Variants in GCG observed in about 807,000 individuals in gnomAD.
GCG encodes the protein pro-glucagon.
Under a neutral mutation model 22.8 loss-of-function variants are expected in GCG, and 11 were observed. The observed-to-expected ratio is 0.48, with a 90% CI of 0.30 to 0.80. The LOEUF (loss-of-function observed/expected upper bound fraction) is 0.80, where lower values mean the gene tolerates loss of function less well. Ranked by LOEUF, GCG falls within the 30% of genes least tolerant of loss-of-function variation. The pLI is 0.06. For synonymous variants in GCG, 89 were observed against 72.4 expected, an observed-to-expected ratio of 1.23 and a Z score of -1.16; for missense variants, 222 against 222.0, an observed-to-expected ratio of 1.00 and a Z score of 0.00.
chr2:162,148,550 A>G (rs1686753372), intron 2 of GCG, among the ~76,000 whole-genome samples: 1 of 152,118 alleles, frequency 6.6e-6, no homozygotes, highest in African/African-American at 2.4e-5. Context: ...ATACAAAGCC[A>G]TATAATGAGC....
intron 3 of GCG, among the ~76,000 whole-genome samples, 178 bp from the exon 4 acceptor site, chr2:162,145,855 G>T (rs966254254): frequency 5.3e-5 from 8 of 152,102 alleles, no homozygotes; most frequent in Admixed American, 2.0e-4. Context: ...GATTGAAACT[G>T]GTGGAAGAGA....
chr2:162,148,275 C>T (rs569315145), intron 2 of GCG, among the ~76,000 whole-genome samples: 1 of 151,896 alleles, frequency 6.6e-6, no homozygotes, highest in Non-Finnish European at 1.5e-5. Context: ...TCATTCAGGC[C>T]CTTTGACACA....
rs1438422595 is a variant in GCG, at chr2:162,152,217, C to A, written c.-69G>T. On this transcript the variant is annotated 5_prime_UTR_variant, in exon 1 of 6. Transcript: ENST00000418842. The stretch of plus-strand genomic sequence containing the variant: ...AGAGAGAGCAAGCCCTCTTTGGGAA[C>A]TTTTGATGTGCTCTGTGTCCTAAGC... The A allele has an allele frequency of 1.3e-5, 2 of 152,724 alleles. No individual in the cohort carries two copies. Among genetic ancestry groups the A allele is most frequent in the African/African-American group, 2.4e-5 (1 of 41,570 alleles). The allele number at this position is 152,724 out of a possible 1,614,324, so 9.5% of individuals were successfully genotyped here.
chr2:162,151,201 G>T (rs1686827460), intron 1 of GCG, among the ~76,000 whole-genome samples: 2 of 152,034 alleles, frequency 1.3e-5, no homozygotes, highest in Admixed American at 6.6e-5. Context: ...TTAAAGGAAA[G>T]TATGGTAACA....
At chr2:162,144,271 C>T in intron 4 of GCG, 101 bp from the exon 5 acceptor site, 1 of 928,956 alleles carries the variant, frequency 1.1e-6, no homozygotes. Flanking sequence ...CTTGAGGAAA[C>T]AGTAAAGGAT....
chr2:162,148,949 C>G, intron 2 of GCG, 138 bp downstream of exon 2: 1 of 586,810 alleles, frequency 1.7e-6, no homozygotes, highest in Non-Finnish European at 3.0e-6. Flanking sequence ...CTGCTTTTAT[C>G]ACAAGGATAC....
intron 4 of GCG, 39 bp from the exon 5 acceptor site, chr2:162,144,209 AT>A: frequency 6.7e-7 from 1 of 1,491,858 alleles, no homozygotes; most frequent in Non-Finnish European, 9.4e-7. Context: ...TTGATTAGAT[AT>A]TTTCAATAAA....
At chr2:162,146,539 TC>T (rs1686688855) in intron 3 of GCG, among the ~76,000 whole-genome samples, 2 of 8,588 alleles carry the variant, frequency 2.3e-4, no homozygotes, top group African/African-American at 3.8e-4. Context: ...GCTTGCTTGT[TC>T]TCTCTCTCTC....
At position 162,143,154 on chromosome 2, in the gene GCG, A is replaced by C. The variant is rs571980614; in HGVS notation, c.*210T>G. On this transcript the variant is annotated 3_prime_UTR_variant, in exon 6 of 6. Transcript: ENST00000418842. ...AAATAACAGAATCTAGCACTTTCAT[A>C]TTTTAAAGCTGATATTTTAGCAATA... is the stretch of plus-strand genomic sequence containing the variant. 1 of 402,458 alleles carries C rather than the reference A, an allele frequency of 2.5e-6. No homozygotes were observed. The highest frequency in any genetic ancestry group is 1.2e-4 in the South Asian group (1 of 8,268). The allele number at this position is 402,458 out of a possible 1,614,324, so 24.9% of individuals were successfully genotyped here.
At chr2:162,152,015 C>A (rs1485568516) in intron 1 of GCG, 143 bp downstream of exon 1, 16 of 152,118 alleles carry the variant, frequency 1.1e-4, no homozygotes, top group Admixed American at 7.2e-4. Context: ...TTGATATAAC[C>A]TTTTCCATCT....
chr2:162,151,707 C>G (rs922288228), intron 1 of GCG, among the ~76,000 whole-genome samples: 5 of 152,062 alleles, frequency 3.3e-5, no homozygotes, highest in East Asian at 1.9e-4. Flanking sequence ...TTTGGAAAAC[C>G]AGAGATTTTA....
chr2:162,146,644 G>T (rs376498600), intron 3 of GCG, among the ~76,000 whole-genome samples: 156 of 142,402 alleles, frequency 1.1e-3, no homozygotes, highest in African/African-American at 3.6e-3. Context: ...CTGATTTTTT[G>T]ATTTCTTCAG....
At chr2:162,146,896 C>G (rs2106196113) in intron 3 of GCG, among the ~76,000 whole-genome samples, 1 of 152,174 alleles carries the variant, frequency 6.6e-6, no homozygotes, top group East Asian at 1.9e-4. Flanking sequence ...AAATGCATGT[C>G]TTGGATTTTA....
At chr2:162,146,538 T>TTCTC (rs59717414) in intron 3 of GCG, among the ~76,000 whole-genome samples, 2,702 of 133,452 alleles carry the variant, frequency 0.02, 37 homozygotes, top group East Asian at 0.073. Flanking sequence ...TGCTTGCTTG[T>TTCTC]TCTCTCTCTC....
rs762656543 is a variant in GCG at position 162,144,096 on chromosome 2, T to C, written c.467A>G (p.Asn156Ser). ...GGCGGCAAGATTATCAAGAATGGTG[T>C]TCATCTCATCAGAGAAAGAACCATC... ...HADGSFSDEM[N>S]TILDNLAARD... The change falls in exon 5 of 6, where the codon AAC becomes AGC. Residue 156 changes from asparagine to serine, a missense_variant. Physicochemically the swap from Asn to Ser is conservative, Grantham distance 46 (BLOSUM62 1). Coordinates refer to ENST00000418842, the MANE Select transcript of GCG (RefSeq NM_002054.5). The C allele has an allele frequency of 2.5e-6, 4 of 1,612,518 alleles. No individual in the cohort carries two copies. Among genetic ancestry groups the C allele is most frequent in the South Asian group, 2.2e-5 (2 of 91,054 alleles).
chr2:162,145,565 G>A lies in GCG; in HGVS notation c.367C>T (p.Leu123=). 1.9e-6 allele frequency: 3 copies of A among 1,610,420 alleles called. No homozygotes were observed. The highest frequency in any genetic ancestry group is 1.7e-6 in the Non-Finnish European group (2 of 1,178,228). ...GQAAKEFIAW[L]VKGRGRRDFP... ...TCTCGCCTTCCTCGGCCTTTCACCA[G>A]CCAAGCAATGAATTCCTTGGCAGCT... is the stretch of plus-strand genomic sequence containing the variant. Residue 123 remains leucine (L), a synonymous_variant, in exon 4 of 6, where the codon CTG becomes TTG. Coordinates refer to ENST00000418842, the MANE Select transcript of GCG (RefSeq NM_002054.5).
rs748824673 is a variant in GCG at position 162,145,546 on chromosome 2, C to A, written c.386G>T (p.Arg129Met). The A allele has an allele frequency of 6.2e-7, 1 of 1,606,954 alleles. No individual in the cohort carries two copies. The highest frequency in any genetic ancestry group is 2.2e-5 in the East Asian group (1 of 44,740). Residue 129 changes from arginine to methionine, a missense_variant, in exon 4 of 6, where the codon AGG (arginine) becomes ATG (methionine). Arg to Met is a moderately conservative substitution (Grantham distance 91). Coordinates refer to ENST00000418842, the MANE Select transcript of GCG (RefSeq NM_002054.5). ...TAAGAATGTACAGACTTACTCTCGC[C>A]TTCCTCGGCCTTTCACCAGCCAAGC... ...FIAWLVKGRG[R>M]RDFPEEVAIV...
At chr2:162,148,794 T>C (rs1686759754) in intron 2 of GCG, among the ~76,000 whole-genome samples, 1 of 152,102 alleles carries the variant, frequency 6.6e-6, no homozygotes, top group Non-Finnish European at 1.5e-5. Flanking sequence ...AAGTAATCTA[T>C]TATGCAGTGT....
chr2:162,147,148 G>A (rs1341261496), intron 3 of GCG, among the ~76,000 whole-genome samples: 1 of 152,104 alleles, frequency 6.6e-6, no homozygotes, highest in Non-Finnish European at 1.5e-5. Flanking sequence ...CACACTGGAG[G>A]TTGGGTAAGT....
Sources: gnomAD v4.1 joint callset for allele counts (sites outside exome capture counted in the v4.1 genomes callset) on GRCh38, gnomAD v4.1.1 for gene constraint, MANE v1.5 for transcripts, NCBI Gene and HGNC (gene_info 2026-07-23, HGNC 2026-07-21) for gene names.